The following PCDHGA7 variants were observed in gnomAD, a reference collection of about 807,000 sequenced individuals.
The protein encoded by PCDHGA7 is protocadherin gamma subfamily A, 7, also known as protocadherin gamma-A7.
PCDHGA7 carries 44 observed loss-of-function variants against 58.3 expected under a neutral mutation model. The observed-to-expected ratio is 0.75, with a 90% CI of 0.59 to 0.97. The LOEUF is 0.97. PCDHGA7 is among the 50% of genes least tolerant of loss of function. The probability of loss-of-function intolerance (pLI) is 0.00; values close to 1 mark genes in which losing one functional copy is unlikely to be tolerated. For missense variants in PCDHGA7, 1,266 were observed against 1,188.7 expected (o/e 1.06, Z -0.96); for synonymous variants, 516 against 504.2 (o/e 1.02, Z -0.31).
intron 1 of PCDHGA7, chr5:141,398,846 C>T (rs1589346275): frequency 3.7e-6 from 6 of 1,613,850 alleles, no homozygotes; most frequent in South Asian, 3.3e-5. Flanking sequence ...GATAATCCCC[C>T]GGTATTCAAC....
At chr5:141,428,290 C>A in intron 1 of PCDHGA7, 1 of 726,802 alleles carries the variant, frequency 1.4e-6, no homozygotes, top group Non-Finnish European at 2.4e-6. Context: ...CCAAGCAAAG[C>A]TGCAGATTTA....
chr5:141,473,925 T>C (rs1338065496), intron 1 of PCDHGA7, among the ~76,000 whole-genome samples: 1 of 152,124 alleles, frequency 6.6e-6, no homozygotes, highest in East Asian at 1.9e-4. Context: ...AACTATGAGC[T>C]GGGTGCAGTA....
rs116140192 is a variant in PCDHGA7, at chr5:141,497,400, A to C, written c.2483+2535A>C. Among the ~76,000 whole-genome samples, 87 of 152,110 alleles carry C rather than the reference A, an allele frequency of 5.7e-4. 1 individual carries two copies. Among genetic ancestry groups the C allele is most frequent in the African/African-American group, 2.0e-3 (82 of 41,484 alleles). ...GGGGTGAGCACCTTACCCCTGCCTCAACTCCCATTCCATCAAATGAGAGGC... is the reference window on the plus strand; with the variant it reads ...GGGGTGAGCACCTTACCCCTGCCTCCACTCCCATTCCATCAAATGAGAGGC... On this transcript the variant is annotated intron_variant, in intron 2 of 3. Coordinates refer to ENST00000518325, the MANE Select transcript of PCDHGA7 (RefSeq NM_018920.4).
chr5:141,405,149 G>T (rs1469979881), intron 1 of PCDHGA7: 4 of 1,614,038 alleles, frequency 2.5e-6, no homozygotes, highest in Non-Finnish European at 3.4e-6. Context: ...TGATGGGTTG[G>T]CTGGTGTGCC....
Position 141,476,267 on chromosome 5 carries a change from G to A in PCDHGA7, c.2425-18540G>A, listed in dbSNP as rs373758158. The A allele has an allele frequency of 6.8e-6, 11 of 1,613,938 alleles. No homozygotes were observed. Among genetic ancestry groups the A allele is most frequent in the African/African-American group, 1.3e-5 (1 of 74,884 alleles). On this transcript the variant is annotated intron_variant, in intron 1 of 3. Transcript: ENST00000518325. The surrounding 1 kb of genome is among the most constrained non-coding windows in gnomAD (Gnocchi z 7.6). ...GAAGGGTTTCGCTGTGGGCAACGTG[G>A]TCGCGAACCTTGGTTTGGATCTCGG...
At chr5:141,433,381 A>ATCTG (rs1561869478) in intron 1 of PCDHGA7, among the ~76,000 whole-genome samples, 2 of 151,148 alleles carry the variant, frequency 1.3e-5, no homozygotes, top group Non-Finnish European at 2.9e-5. Flanking sequence ...CTATCTATCT[A>ATCTG]TCTATCTATC....
At chr5:141,405,672 G>C (rs755545370) in intron 1 of PCDHGA7, among the ~76,000 whole-genome samples, 3 of 152,024 alleles carry the variant, frequency 2.0e-5, no homozygotes, top group Non-Finnish European at 4.4e-5. Flanking sequence ...GAGACGGGGT[G>C]TCACCATGTT....
rs113107293 is a variant in PCDHGA7, at chr5:141,432,844, A to G, written c.2424+47521A>G. ...CAGACCTCACTCTGTACCTGGTGGTAGCGGTGGCCGCGGTCTCCTGCGTCT... is the reference window on the plus strand; with the variant it reads ...CAGACCTCACTCTGTACCTGGTGGTGGCGGTGGCCGCGGTCTCCTGCGTCT... On this transcript the variant is annotated intron_variant, in intron 1 of 3. Coordinates refer to ENST00000518325, the MANE Select transcript of PCDHGA7 (RefSeq NM_018920.4). This position sits in a 1 kb window ranked among gnomAD's most constrained non-coding sequence, Gnocchi z 6.0. 0.01 allele frequency: 16,860 copies of G among 1,614,178 alleles called. 121 individuals carry two copies. Among genetic ancestry groups the G allele is most frequent in the Non-Finnish European group, 0.012 (14,441 of 1,180,006 alleles).
At chr5:141,497,214 G>C (rs929868102) in intron 2 of PCDHGA7, among the ~76,000 whole-genome samples, 2 of 152,138 alleles carry the variant, frequency 1.3e-5, no homozygotes, top group African/African-American at 4.8e-5. Flanking sequence ...TGTAATGGGG[G>C]GGGGAAGATC....
At chr5:141,404,107 T>C in intron 1 of PCDHGA7, 1 of 1,613,552 alleles carries the variant, frequency 6.2e-7, no homozygotes, top group Non-Finnish European at 8.5e-7. Flanking sequence ...TTGTCTGTTC[T>C]ATCCAGGAGA....
intron 1 of PCDHGA7, chr5:141,388,215 G>A (rs2091280920): frequency 6.3e-7 from 1 of 1,597,062 alleles, no homozygotes. Flanking sequence ...GGCTGTTGCT[G>A]AAAATCCACT....
At chr5:141,429,500 A>C (rs1050435175) in intron 1 of PCDHGA7, among the ~76,000 whole-genome samples, 1 of 152,148 alleles carries the variant, frequency 6.6e-6, no homozygotes, top group Non-Finnish European at 1.5e-5. Flanking sequence ...CAGTTGCCTG[A>C]AACTGTGCCT....
intron 1 of PCDHGA7, chr5:141,410,123 C>A: frequency 1.2e-6 from 2 of 1,612,780 alleles, no homozygotes; most frequent in Non-Finnish European, 1.7e-6. Flanking sequence ...AGCCCGCCAG[C>A]GCCTGCTGGT....
chr5:141,471,124 A>C (rs2099250596), intron 1 of PCDHGA7, among the ~76,000 whole-genome samples: 1 of 141,916 alleles, frequency 7.0e-6, no homozygotes, highest in East Asian at 2.1e-4. Flanking sequence ...TCTTACCTTC[A>C]CTGCAACCTC....
In PCDHGA7 at chr5:141,512,501, G is replaced by A. The variant is rs1474842711; in HGVS notation, c.*1328G>A. The A allele has an allele frequency of 6.5e-6, 1 of 152,914 alleles. No homozygotes were observed. The highest frequency in any genetic ancestry group is 1.5e-5 in the Non-Finnish European group (1 of 68,258). The allele number at this position is 152,914 out of a possible 1,614,324, so 9.5% of individuals were successfully genotyped here. On this transcript the variant is annotated 3_prime_UTR_variant, in exon 4 of 4. Transcript: ENST00000518325. The stretch of plus-strand genomic sequence containing the variant: ...GAAGGCCACTGCCCAGGTCCCCAGT[G>A]CGCCCCCTAGTGGCCATAGCCTGGT...
At chr5:141,409,529 G>T (rs2095278932) in intron 1 of PCDHGA7, 1 of 1,613,962 alleles carries the variant, frequency 6.2e-7, no homozygotes, top group Non-Finnish European at 8.5e-7. Flanking sequence ...CTTGTATGTC[G>T]CTGACATCAA....
intron 1 of PCDHGA7, chr5:141,409,394 T>C: frequency 1.9e-6 from 3 of 1,614,008 alleles, no homozygotes; most frequent in Non-Finnish European, 2.5e-6. Flanking sequence ...TTATTCTTCT[T>C]CCAATAACTA....
At chr5:141,404,783 G>A (rs758824309) in intron 1 of PCDHGA7, 39 of 1,613,798 alleles carry the variant, frequency 2.4e-5, no homozygotes, top group South Asian at 2.2e-4. Context: ...CCTATTCAAG[G>A]CCAGTGAGCC....
At position 141,511,963 on chromosome 5, in the gene PCDHGA7, AGT is replaced by A. The variant is rs1204123000; in HGVS notation, c.*796_*797del. On this transcript the variant is annotated 3_prime_UTR_variant, in exon 4 of 4. Transcript: ENST00000518325. ...ATGGGGTGGTAAGATAAGGAAGGGA[AGT>A]GTGTGGATGTGGATGGTGGGGGCAT... 1 of 153,636 alleles carries A rather than the reference AGT, an allele frequency of 6.5e-6. No individual in the cohort carries two copies. 9.5% of individuals were successfully genotyped at this position (153,636 alleles called of 1,614,324 possible).
Sources: gnomAD v4.1 joint callset for allele counts (sites outside exome capture counted in the v4.1 genomes callset) on GRCh38, gnomAD v4.1.1 for gene constraint, Gnocchi (gnomAD v3.1) non-coding constraint, MANE v1.5 for transcripts, NCBI Gene and HGNC (gene_info 2026-07-23, HGNC 2026-07-21) for gene names.